Variants in RAPGEF5 observed in about 807,000 individuals in gnomAD.
The protein encoded by RAPGEF5 is M-Ras-regulated GEF.
RAPGEF5 carries 65 observed loss-of-function variants against 125.2 expected under a neutral mutation model. That is an observed-to-expected ratio of 0.52 (90% CI 0.43 to 0.64). The LOEUF (loss-of-function observed/expected upper bound fraction) is 0.64, where lower values mean the gene tolerates loss of function less well. Among genes scored for constraint, RAPGEF5 ranks in the 30% least tolerant of loss-of-function variants. RAPGEF5 has a pLI of 0.00. For missense variants in RAPGEF5, 958 were observed against 1,048.1 expected (o/e 0.91, Z 1.19); for synonymous variants, 391 against 385.9 (o/e 1.01, Z -0.16).
intron 7 of RAPGEF5, among the ~76,000 whole-genome samples, chr7:22,239,531 G>A (rs552333265): frequency 3.7e-4 from 56 of 152,118 alleles, no homozygotes; most frequent in African/African-American, 1.3e-3. Flanking sequence ...GCCACTGAGA[G>A]AGTTCTGGGT....
rs1784528336 is a variant in RAPGEF5, at chr7:22,176,949, A to G, written c.1205-9801T>C. Among the ~76,000 whole-genome samples the G allele has an allele frequency of 2.0e-5, 3 of 152,214 alleles. No individual in the cohort carries two copies. In the South Asian group the frequency reaches 6.2e-4, roughly 32 times the overall value. On this transcript the variant is annotated intron_variant, in intron 11 of 25. Transcript: ENST00000665637. Reference sequence around the variant, plus strand: ...TTAAAAATACTGCTAGGACAAATATATCAACCAGTGGCTGACAGGAGACAT... The same window carrying G: ...TTAAAAATACTGCTAGGACAAATATGTCAACCAGTGGCTGACAGGAGACAT...
rs544666554 is a variant in RAPGEF5, at chr7:22,210,649, A to T, written c.996+9217T>A. Among the ~76,000 whole-genome samples the T allele has an allele frequency of 3.0e-4, 46 of 152,174 alleles. No homozygotes were observed. In the South Asian group the frequency reaches 9.4e-3, roughly 31 times the overall value. Reference sequence around the variant, plus strand: ...GAGGTGCCCCTAATCCTTTACTCTGACTCACTTTGCCTCAGTCGTGCCCAG... The same window carrying T: ...GAGGTGCCCCTAATCCTTTACTCTGTCTCACTTTGCCTCAGTCGTGCCCAG... On this transcript the variant is annotated intron_variant, in intron 9 of 25. Transcript: ENST00000665637.
chr7:22,352,767 T>C (rs1254427661), intron 1 of RAPGEF5, among the ~76,000 whole-genome samples: 1 of 152,196 alleles, frequency 6.6e-6, no homozygotes, highest in Non-Finnish European at 1.5e-5. Flanking sequence ...ATCCTGCACA[T>C]TGTGAATTTC....
At chr7:22,134,247 C>T (rs1783009815) in intron 23 of RAPGEF5, among the ~76,000 whole-genome samples, 2 of 152,128 alleles carry the variant, frequency 1.3e-5, no homozygotes, top group African/African-American at 4.8e-5. Context: ...AAAACAGTAA[C>T]TTTAAGTACA....
In RAPGEF5 at chr7:22,193,474, T is replaced by C; in HGVS notation, c.1116-19A>G. ...CACATATCTGTCAGAGAGCAGAGAG[T>C]CCACTGAGTCATCCTCGGTGGAAGA... is the stretch of plus-strand genomic sequence containing the variant. On this transcript the variant is annotated intron_variant, in intron 10 of 25. Coordinates refer to ENST00000665637, the MANE Select transcript of RAPGEF5 (RefSeq NM_012294.5). 1 of 1,575,848 alleles carries C rather than the reference T, an allele frequency of 6.3e-7. No homozygotes were observed. Among genetic ancestry groups the C allele is most frequent in the South Asian group, 1.2e-5 (1 of 85,684 alleles).
chr7:22,163,837 C>T (rs539042226), intron 12 of RAPGEF5, among the ~76,000 whole-genome samples: 11 of 152,260 alleles, frequency 7.2e-5, no homozygotes, highest in Non-Finnish European at 1.6e-4. Flanking sequence ...TTCTTTAACA[C>T]TAATATACAA....
chr7:22,311,281 C>T (rs769578338), intron 3 of RAPGEF5, among the ~76,000 whole-genome samples: 4 of 152,018 alleles, frequency 2.6e-5, no homozygotes, highest in Admixed American at 6.6e-5. Flanking sequence ...GCCCAAACTG[C>T]GGAGATTACA....
chr7:22,317,226 A>T (rs1783619795), intron 2 of RAPGEF5, among the ~76,000 whole-genome samples: 3 of 149,670 alleles, frequency 2.0e-5, no homozygotes, highest in Admixed American at 1.3e-4. Context: ...AGCCTAAAAA[A>T]TGCAACTTTT....
intron 7 of RAPGEF5, among the ~76,000 whole-genome samples, chr7:22,266,111 A>G (rs1782276317): frequency 6.6e-6 from 1 of 152,244 alleles, no homozygotes; most frequent in African/African-American, 2.4e-5. Flanking sequence ...CTGGAAAAAG[A>G]AAGATATAAA....
At chr7:22,139,944 G>T in intron 21 of RAPGEF5, 81 bp downstream of exon 21, 1 of 1,221,748 alleles carries the variant, frequency 8.2e-7, no homozygotes, top group Non-Finnish European at 1.2e-6. Context: ...TTTTAGTTTA[G>T]TAGTACTTAT....
intron 9 of RAPGEF5, among the ~76,000 whole-genome samples, chr7:22,196,790 C>A (rs1468396042): frequency 2.6e-5 from 4 of 152,292 alleles, no homozygotes; most frequent in African/African-American, 4.8e-5. Flanking sequence ...ATGTTTCGTA[C>A]TAAGACAGCC....
intron 16 of RAPGEF5, 97 bp from the exon 17 acceptor site, chr7:22,154,701 A>T: frequency 4.8e-5 from 65 of 1,363,918 alleles, no homozygotes; most frequent in Middle Eastern, 2.6e-4. Flanking sequence ...TTTCTAAATC[A>T]ACCCACCTGG....
intron 6 of RAPGEF5, among the ~76,000 whole-genome samples, chr7:22,282,513 G>A (rs575125765): frequency 6.6e-6 from 1 of 152,230 alleles, no homozygotes; most frequent in Non-Finnish European, 1.5e-5. Flanking sequence ...AATGTTTTAA[G>A]TGATGATAAT....
chr7:22,270,107 T>C (rs1782383494), intron 6 of RAPGEF5, among the ~76,000 whole-genome samples: 2 of 152,218 alleles, frequency 1.3e-5, no homozygotes, highest in South Asian at 4.1e-4. Context: ...TGACCTTTGA[T>C]CATCTATGTA....
intron 8 of RAPGEF5, among the ~76,000 whole-genome samples, chr7:22,222,190 G>C (rs1785807791): frequency 6.6e-6 from 1 of 152,086 alleles, no homozygotes; most frequent in African/African-American, 2.4e-5. Flanking sequence ...AGGTTGCAGT[G>C]AGCTGAGATC....
chr7:22,204,075 T>A (rs976387003), intron 9 of RAPGEF5, among the ~76,000 whole-genome samples: 1 of 152,180 alleles, frequency 6.6e-6, no homozygotes, highest in African/African-American at 2.4e-5. Flanking sequence ...GTTTGAATAA[T>A]CCATGGCAGC....
intron 9 of RAPGEF5, among the ~76,000 whole-genome samples, chr7:22,205,104 C>A (rs1395361782): frequency 2.0e-5 from 3 of 152,136 alleles, no homozygotes; most frequent in African/African-American, 7.2e-5. Flanking sequence ...TTAATGTGCA[C>A]CTGGAGGGCC....
intron 6 of RAPGEF5, among the ~76,000 whole-genome samples, chr7:22,269,561 T>C (rs1314135229): frequency 2.0e-5 from 3 of 152,108 alleles, no homozygotes; most frequent in East Asian, 1.9e-4. Flanking sequence ...GGGAGGACAA[T>C]GAAAATTCAG....
At chr7:22,258,359 G>A (rs1008025177) in intron 7 of RAPGEF5, among the ~76,000 whole-genome samples, 10 of 152,222 alleles carry the variant, frequency 6.6e-5, no homozygotes, top group Admixed American at 3.3e-4. Flanking sequence ...GGTGGCTCAC[G>A]CCTGTAATCC....
Sources: gnomAD v4.1 joint callset for allele counts (sites outside exome capture counted in the v4.1 genomes callset) on GRCh38, gnomAD v4.1.1 for gene constraint, MANE v1.5 for transcripts, NCBI Gene and HGNC (gene_info 2026-07-23, HGNC 2026-07-21) for gene names.